The following NRXN1 variants were observed in gnomAD, a reference collection of about 807,000 sequenced individuals.
NRXN1 encodes the protein neurexin 1, also known as neurexin-1.
In NRXN1, 39 loss-of-function variants were observed where a neutral mutation model predicts 150.9. That is an observed-to-expected ratio of 0.26 (90% CI 0.20 to 0.34). NRXN1 has a LOEUF of 0.34. NRXN1 is among the 10% of genes least tolerant of loss of function. NRXN1 has a pLI of 1.00. For missense variants in NRXN1, 1,815 were observed against 1,949.9 expected (o/e 0.93, Z 1.30); for synonymous variants, 924 against 757.0 (o/e 1.22, Z -3.62).
intron 21 of NRXN1, among the ~76,000 whole-genome samples, chr2:49,993,675 C>T (rs185021524): frequency 1.3e-5 from 2 of 152,254 alleles, no homozygotes; most frequent in East Asian, 1.9e-4. Context: ...CTCTACCTTC[C>T]TCTTAATTTT....
intron 11 of NRXN1, among the ~76,000 whole-genome samples, chr2:50,530,562 C>T (rs906150752): frequency 1.3e-5 from 2 of 152,100 alleles, no homozygotes; most frequent in African/African-American, 4.8e-5. Context: ...TGTAATGGGT[C>T]TTTCTTAATG....
intron 19 of NRXN1, among the ~76,000 whole-genome samples, chr2:50,084,204 T>C (rs1573814704): frequency 6.6e-6 from 1 of 152,206 alleles, no homozygotes; most frequent in Non-Finnish European, 1.5e-5. Context: ...GGGCGGCAGA[T>C]GGAGCTGCCT....
intron 2 of NRXN1, among the ~76,000 whole-genome samples, chr2:50,941,631 C>G (rs1575001046): frequency 6.6e-6 from 1 of 152,156 alleles, no homozygotes; most frequent in South Asian, 2.1e-4. Flanking sequence ...AAAGAGATGA[C>G]TTAACATGTC....
chr2:50,337,041 A>G (rs1004489218), intron 17 of NRXN1, among the ~76,000 whole-genome samples: 2 of 152,110 alleles, frequency 1.3e-5, no homozygotes, highest in African/African-American at 2.4e-5. Flanking sequence ...TATTGACAGC[A>G]TAATGTAGAG....
intron 2 of NRXN1, among the ~76,000 whole-genome samples, chr2:50,991,112 C>T (rs1698481609): frequency 1.3e-5 from 2 of 151,982 alleles, no homozygotes; most frequent in African/African-American, 4.8e-5. Flanking sequence ...CTTTTTCCCT[C>T]AAATAAATGG....
At chr2:50,625,318 T>C (rs138633728) in intron 5 of NRXN1, among the ~76,000 whole-genome samples, 1 of 152,076 alleles carries the variant, frequency 6.6e-6, no homozygotes, top group African/African-American at 2.4e-5. Flanking sequence ...GGTGAGCACC[T>C]ACAGGTATTC....
intron 21 of NRXN1, among the ~76,000 whole-genome samples, chr2:50,021,279 C>T (rs1687526891): frequency 6.6e-6 from 1 of 152,126 alleles, no homozygotes; most frequent in Non-Finnish European, 1.5e-5. Flanking sequence ...AGAGAGTGTT[C>T]ACTTCTCTAA....
intron 22 of NRXN1, among the ~76,000 whole-genome samples, chr2:49,923,715 T>C (rs1668608814): frequency 6.6e-6 from 1 of 152,128 alleles, no homozygotes; most frequent in Non-Finnish European, 1.5e-5. Context: ...TTCTTTTGCC[T>C]AAACGTGTGT....
At chr2:49,926,353 G>C (rs1034314191) in intron 22 of NRXN1, 5 of 398,428 alleles carry the variant, frequency 1.3e-5, no homozygotes, top group Non-Finnish European at 2.2e-5. Context: ...GTAAGATACG[G>C]TGGTCTCTAG....
At chr2:50,530,686 T>G (rs750572089) in intron 11 of NRXN1, among the ~76,000 whole-genome samples, 1 of 152,182 alleles carries the variant, frequency 6.6e-6, no homozygotes, top group Non-Finnish European at 1.5e-5. Context: ...TGTGGATCGC[T>G]GTTTGATAGC....
At position 50,065,552 on chromosome 2, in the gene NRXN1, G is replaced by A. The variant is rs533164728; in HGVS notation, c.3719-10508C>T. Among the ~76,000 whole-genome samples the A allele has an allele frequency of 2.0e-5, 3 of 152,218 alleles. No homozygotes were observed. The East Asian group carries it at 5.8e-4, about 29-fold the overall frequency. On this transcript the variant is annotated intron_variant, in intron 19 of 22. Coordinates refer to ENST00000401669, the MANE Select transcript of NRXN1 (RefSeq NM_001330078.2). ...CAGTAATCTTCCCTAAATCCTCAACGATTTATCAGGAGGATAATTTTATCA... is the reference window on the plus strand; with the variant it reads ...CAGTAATCTTCCCTAAATCCTCAACAATTTATCAGGAGGATAATTTTATCA...
intron 17 of NRXN1, among the ~76,000 whole-genome samples, chr2:50,440,868 G>C (rs1025616931): frequency 6.6e-6 from 1 of 152,050 alleles, no homozygotes; most frequent in African/African-American, 2.4e-5. Context: ...ATTTTCATTT[G>C]TTTTTGATAT....
chr2:50,693,699 T>G (rs1449823223), intron 5 of NRXN1, among the ~76,000 whole-genome samples: 1 of 152,206 alleles, frequency 6.6e-6, no homozygotes, highest in Non-Finnish European at 1.5e-5. Flanking sequence ...ATATCTATAT[T>G]ACTAACTCAA....
intron 2 of NRXN1, among the ~76,000 whole-genome samples, chr2:50,974,105 G>A (rs1453745597): frequency 1.3e-5 from 2 of 152,054 alleles, no homozygotes; most frequent in African/African-American, 4.8e-5. Flanking sequence ...GATCAATGAG[G>A]GTGACTCGTT....
intron 8 of NRXN1, among the ~76,000 whole-genome samples, chr2:50,562,642 A>G (rs1306565195): frequency 6.6e-6 from 1 of 152,152 alleles, no homozygotes; most frequent in Non-Finnish European, 1.5e-5. Flanking sequence ...GAAAATCCAA[A>G]TTGACTTGCT....
chr2:50,465,414 A>T (rs201134896), intron 17 of NRXN1, 28 bp downstream of exon 17: 1 of 1,588,054 alleles, frequency 6.3e-7, no homozygotes, highest in Non-Finnish European at 8.6e-7. Flanking sequence ...AACGATGAGT[A>T]TCAGTCCATA....
intron 17 of NRXN1, among the ~76,000 whole-genome samples, chr2:50,460,154 G>A (rs547233138): frequency 6.6e-6 from 1 of 152,174 alleles, no homozygotes; most frequent in South Asian, 2.1e-4. Context: ...ACCACAGTAA[G>A]ACCAACATTG....
chr2:50,056,316 G>C (rs1693611040), intron 19 of NRXN1, among the ~76,000 whole-genome samples: 1 of 152,020 alleles, frequency 6.6e-6, no homozygotes, highest in Non-Finnish European at 1.5e-5. Flanking sequence ...AATAAGCCCA[G>C]CATAATACTG....
chr2:50,487,871 A>C (rs2090991136), intron 15 of NRXN1, among the ~76,000 whole-genome samples: 1 of 152,132 alleles, frequency 6.6e-6, no homozygotes, highest in African/African-American at 2.4e-5. Flanking sequence ...AGAAGGTAAA[A>C]ATCTAAGGTC....
Sources: gnomAD v4.1 joint callset for allele counts (sites outside exome capture counted in the v4.1 genomes callset) on GRCh38, gnomAD v4.1.1 for gene constraint, MANE v1.5 for transcripts, NCBI Gene and HGNC (gene_info 2026-07-23, HGNC 2026-07-21) for gene names.